The following DENND5B variants were observed in gnomAD, a reference collection of about 807,000 sequenced individuals.
DENND5B encodes the protein DENN domain containing 5B.
DENND5B carries 34 observed loss-of-function variants against 140.6 expected under a neutral mutation model. The ratio of observed to expected loss-of-function variants is 0.24; its 90% confidence interval spans 0.18 to 0.32. The LOEUF (loss-of-function observed/expected upper bound fraction) is 0.32, where lower values mean the gene tolerates loss of function less well. DENND5B is among the 10% of genes least tolerant of loss of function. The pLI, the probability that DENND5B is intolerant of heterozygous loss-of-function variation, is 1.00. For missense variants in DENND5B, 1,142 were observed against 1,560.2 expected, an observed-to-expected ratio of 0.73 and a Z score of 4.52; for synonymous variants, 551 against 562.1, an observed-to-expected ratio of 0.98 and a Z score of 0.28.
At chr12:31,526,062 C>T (rs1306141730) in intron 1 of DENND5B, among the ~76,000 whole-genome samples, 1 of 152,164 alleles carries the variant, frequency 6.6e-6, no homozygotes, top group Non-Finnish European at 1.5e-5. Flanking sequence ...CTCCCTATTT[C>T]TCACCTCACC....
intron 7 of DENND5B, among the ~76,000 whole-genome samples, chr12:31,439,955 A>AAAAAAAC: frequency 6.7e-6 from 1 of 149,482 alleles, no homozygotes; most frequent in African/African-American, 2.4e-5. Flanking sequence ...AAAAAAAAAA[A>AAAAAAAC]AAGGAAACAA....
rs528952102 is a variant in DENND5B, at chr12:31,413,552, G to A, written c.2565C>T (p.Asn855=). 2.5e-6 allele frequency: 4 copies of A among 1,612,602 alleles called. No homozygotes were observed. The highest frequency in any genetic ancestry group is 2.5e-6 in the Non-Finnish European group (3 of 1,179,268). The change falls in exon 13 of 21, where the codon AAC becomes AAT. Residue 855 remains asparagine, a synonymous_variant. Coordinates refer to ENST00000389082, the MANE Select transcript of DENND5B (RefSeq NM_144973.4). ...CAACATCAGTCTTGATCTCACTCAT[G>A]TTTTGAATATGCCTAAAGAATAGTG... The part of the protein sequence containing the change: ...SLIQDMRHIQ[N]MSEIKTDVGR...
chr12:31,515,226 G>C (rs890541671), intron 1 of DENND5B, among the ~76,000 whole-genome samples: 3 of 152,170 alleles, frequency 2.0e-5, no homozygotes, highest in African/African-American at 7.2e-5. Context: ...GATCACATGA[G>C]CCCATAAGTT....
intron 3 of DENND5B, among the ~76,000 whole-genome samples, chr12:31,472,978 C>T (rs776988370): frequency 6.6e-6 from 1 of 152,052 alleles, no homozygotes; most frequent in Non-Finnish European, 1.5e-5. Flanking sequence ...CTCACTGTGT[C>T]ACACAGGCTG....
At chr12:31,434,538 G>A (rs1248959621) in intron 7 of DENND5B, among the ~76,000 whole-genome samples, 1 of 152,114 alleles carries the variant, frequency 6.6e-6, no homozygotes, top group Non-Finnish European at 1.5e-5. Context: ...GATATGAGGG[G>A]CTTAAAAATA....
At chr12:31,557,572 G>C (rs982407202) in intron 1 of DENND5B, among the ~76,000 whole-genome samples, 1 of 151,936 alleles carries the variant, frequency 6.6e-6, no homozygotes, top group African/African-American at 2.4e-5. Flanking sequence ...TGTAGAAACA[G>C]GGTTTCACCA....
chr12:31,570,784 T>C (rs1231483415), intron 1 of DENND5B, among the ~76,000 whole-genome samples: 2 of 152,032 alleles, frequency 1.3e-5, no homozygotes, highest in Non-Finnish European at 2.9e-5. Flanking sequence ...CTGTCCCTTC[T>C]TAGGTTATAC....
chr12:31,468,974 T>C (rs1565610143), intron 3 of DENND5B, among the ~76,000 whole-genome samples: 1 of 152,098 alleles, frequency 6.6e-6, no homozygotes, highest in Non-Finnish European at 1.5e-5. Flanking sequence ...GACTTTTTGC[T>C]AATATATTGA....
At chr12:31,521,345 T>C (rs1478361287) in intron 1 of DENND5B, among the ~76,000 whole-genome samples, 1 of 151,080 alleles carries the variant, frequency 6.6e-6, no homozygotes, top group East Asian at 1.9e-4. Context: ...AGAGACAGCG[T>C]CTCACTATGC....
At chr12:31,590,355 CG>C (rs1190170352) in intron 1 of DENND5B, 1 of 163,602 alleles carries the variant, frequency 6.1e-6, no homozygotes, top group East Asian at 1.7e-4. Context: ...GCACGGCGGT[CG>C]GGGGGCAGCC....
intron 20 of DENND5B, among the ~76,000 whole-genome samples, 153 bp downstream of exon 20, chr12:31,389,171 T>C (rs1941000185): frequency 6.6e-6 from 1 of 152,166 alleles, no homozygotes; most frequent in Non-Finnish European, 1.5e-5. Flanking sequence ...TACTCCAGCC[T>C]AGGCGATGGA....
Position 31,495,771 on chromosome 12 carries a change from C to G in DENND5B, c.237+39G>C, listed in dbSNP as rs542164648. On this transcript the variant is annotated intron_variant, in intron 2 of 20. Transcript: ENST00000389082. ...TACCTTCATATTAATAAAGTGAAAA[C>G]AAGGCTAAAGAGTAAATGAGGGGAA... is the stretch of plus-strand genomic sequence containing the variant. The G allele has an allele frequency of 2.7e-5, 39 of 1,433,200 alleles. 3 individuals carry two copies. The South Asian group carries it at 4.9e-4, about 18-fold the overall frequency. 88.8% of individuals were successfully genotyped at this position (1,433,200 alleles called of 1,614,324 possible). A position where few individuals can be genotyped will look rare whatever the true frequency, so the allele number is the denominator to read the frequency against.
At position 31,386,517 on chromosome 12, in the gene DENND5B, A is replaced by C. The variant is rs1211309555; in HGVS notation, c.*1086T>G. 2 of 152,222 alleles carry C rather than the reference A, an allele frequency of 1.3e-5. No individual in the cohort carries two copies. Among genetic ancestry groups the C allele is most frequent in the African/African-American group, 4.8e-5 (2 of 41,436 alleles). The allele number at this position is 152,222 out of a possible 1,614,324, so 9.4% of individuals were successfully genotyped here. A position where few individuals can be genotyped will look rare whatever the true frequency, so the allele number is the denominator to read the frequency against. ...AAAGCTTGCCCTGAAACACCCAGAA[A>C]GGGTTCATTCTCTCTCTCCTTCTGT... On this transcript the variant is annotated 3_prime_UTR_variant, in exon 21 of 21. Coordinates refer to ENST00000389082, the MANE Select transcript of DENND5B (RefSeq NM_144973.4).
intron 1 of DENND5B, among the ~76,000 whole-genome samples, chr12:31,587,526 CTT>C (rs71460995): frequency 5.3e-5 from 4 of 75,038 alleles, no homozygotes; most frequent in Admixed American, 2.1e-4. Flanking sequence ...CCACAAATAC[CTT>C]TTTTTTTTTT....
At chr12:31,469,038 A>G (rs1386067839) in intron 3 of DENND5B, among the ~76,000 whole-genome samples, 1 of 152,176 alleles carries the variant, frequency 6.6e-6, no homozygotes, top group East Asian at 1.9e-4. Context: ...AATTTATTCA[A>G]GAAAAAAATA....
intron 3 of DENND5B, among the ~76,000 whole-genome samples, chr12:31,479,348 C>T (rs902807040): frequency 6.6e-6 from 1 of 152,126 alleles, no homozygotes; most frequent in African/African-American, 2.4e-5. Context: ...AATAAATATA[C>T]CCAAATCAGC....
intron 1 of DENND5B, among the ~76,000 whole-genome samples, chr12:31,570,020 C>T (rs1344674043): frequency 6.6e-6 from 1 of 151,530 alleles, no homozygotes; most frequent in Non-Finnish European, 1.5e-5. Flanking sequence ...ACGATGAAAC[C>T]CCATCTCTAC....
intron 2 of DENND5B, among the ~76,000 whole-genome samples, chr12:31,495,170 G>A (rs1946708005): frequency 6.6e-6 from 1 of 152,072 alleles, no homozygotes. Context: ...CTTTCCATCA[G>A]GCTCCTCTCA....
At chr12:31,518,217 C>A (rs568126147) in intron 1 of DENND5B, among the ~76,000 whole-genome samples, 1 of 152,264 alleles carries the variant, frequency 6.6e-6, no homozygotes, top group South Asian at 2.1e-4. Flanking sequence ...AAACTTGATT[C>A]AAATATTTTA....
Sources: allele counts gnomAD v4.1 joint callset (sites outside exome capture counted in the v4.1 genomes callset), GRCh38; gene constraint gnomAD v4.1.1; transcripts MANE v1.5; gene names NCBI Gene and HGNC (gene_info 2026-07-23, HGNC 2026-07-21).